SHROOM3: variants seen among roughly 807,000 people sequenced by gnomAD.
SHROOM3 encodes the protein shroom family member 3.
SHROOM3 carries 47 observed loss-of-function variants against 138.6 expected under a neutral mutation model. The ratio of observed to expected loss-of-function variants is 0.34; its 90% CI spans 0.27 to 0.43. The LOEUF (loss-of-function observed/expected upper bound fraction) is 0.43, where lower values mean the gene tolerates loss of function less well. Among genes scored for constraint, SHROOM3 ranks in the 20% least tolerant of loss-of-function variants. SHROOM3 has a pLI of 1.00. For missense variants in SHROOM3, 2,491 were observed against 2,596.5 expected (o/e 0.96, Z 0.88); for synonymous variants, 1,062 against 1,063.3 (o/e 1.00, Z 0.02).
At chr4:76,497,839 C>G (rs1164713209) in intron 1 of SHROOM3, among the ~76,000 whole-genome samples, 1 of 152,020 alleles carries the variant, frequency 6.6e-6, no homozygotes, top group African/African-American at 2.4e-5. Context: ...GCGTGGGCAA[C>G]AGAGCAAGAC....
intron 2 of SHROOM3, among the ~76,000 whole-genome samples, chr4:76,709,519 T>G (rs1409814430): frequency 6.7e-6 from 1 of 148,330 alleles, no homozygotes; most frequent in Non-Finnish European, 1.5e-5. Flanking sequence ...TCTGACTCCC[T>G]GGGAGTATGG....
intron 2 of SHROOM3, among the ~76,000 whole-genome samples, chr4:76,666,338 G>A (rs1428216590): frequency 6.6e-6 from 1 of 152,112 alleles, no homozygotes; most frequent in Non-Finnish European, 1.5e-5. Flanking sequence ...GTGTAATCAC[G>A]GCTCACTGCA....
chr4:76,715,474 A>G (rs1052028031), intron 3 of SHROOM3, among the ~76,000 whole-genome samples: 2 of 152,176 alleles, frequency 1.3e-5, no homozygotes, highest in Non-Finnish European at 2.9e-5. Flanking sequence ...TCTAAAATCT[A>G]TCAAGCCTTG....
rs558029935 is a variant in SHROOM3, at chr4:76,597,355, G to A, written c.323+41592G>A. Among the ~76,000 whole-genome samples, 25 of 152,260 alleles carry A rather than the reference G, an allele frequency of 1.6e-4. 1 individual carries two copies. The South Asian group carries it at 4.6e-3, about 28-fold the overall frequency. Reference sequence around the variant, plus strand: ...TGAAGTCATAGACAAAATCAATGTGGCTATCGGGGCAGGCCAATTGGACTC... The same window carrying A: ...TGAAGTCATAGACAAAATCAATGTGACTATCGGGGCAGGCCAATTGGACTC... On this transcript the variant is annotated intron_variant, in intron 2 of 10. Transcript: ENST00000296043.
chr4:76,740,017 AAGACAAGAGATCTTCC>A lies in SHROOM3; in HGVS notation c.1847_1862del (p.Asp616GlyfsTer27). ...CAGGCTCAGGCCTGGCAAGCGGGTGAAGACAAGAGATCTTCCAGGCTCTCAGAGCCCTGGGAGGGCG... is the reference window on the plus strand; with the variant it reads ...CAGGCTCAGGCCTGGCAAGCGGGTGAAGGCTCTCAGAGCCCTGGGAGGGCG... On this transcript the variant is annotated frameshift_variant, in exon 5 of 11. Coordinates refer to ENST00000296043, the MANE Select transcript of SHROOM3 (RefSeq NM_020859.4). LOFTEE classifies it high-confidence loss of function. The surrounding 1 kb of genome is among the most constrained non-coding windows in gnomAD (Gnocchi z 4.0). The A allele has an allele frequency of 6.2e-7, 1 of 1,613,964 alleles. No individual in the cohort carries two copies. Among genetic ancestry groups the A allele is most frequent in the African/African-American group, 1.3e-5 (1 of 75,070 alleles).
chr4:76,558,241 A>C (rs1020851754), intron 2 of SHROOM3, among the ~76,000 whole-genome samples: 2 of 152,188 alleles, frequency 1.3e-5, no homozygotes, highest in Non-Finnish European at 2.9e-5. Flanking sequence ...AACCTTTGGA[A>C]ACAGACAGAT....
chr4:76,472,155 T>G (rs559379085), intron 1 of SHROOM3, among the ~76,000 whole-genome samples: 15 of 152,160 alleles, frequency 9.9e-5, no homozygotes, highest in Non-Finnish European at 2.2e-4. Flanking sequence ...TTATGTTTCT[T>G]CTCCTACCCA....
intron 2 of SHROOM3, among the ~76,000 whole-genome samples, chr4:76,603,873 T>C (rs1734562767): frequency 6.8e-6 from 1 of 146,072 alleles, no homozygotes; most frequent in African/African-American, 2.6e-5. Flanking sequence ...GATGGAGTCT[T>C]GCACTGTCTC....
intron 1 of SHROOM3, among the ~76,000 whole-genome samples, chr4:76,532,479 C>T (rs1732852539): frequency 6.6e-6 from 1 of 152,192 alleles, no homozygotes; most frequent in South Asian, 2.1e-4. Flanking sequence ...CCCTGATCCA[C>T]AGGGGAGACA....
At chr4:76,735,859 AAAAAAAAAAATATATATAT>A (rs1486588757) in intron 4 of SHROOM3, among the ~76,000 whole-genome samples, 52 of 25,440 alleles carry the variant, frequency 2.0e-3, no homozygotes, top group Middle Eastern at 0.024. Flanking sequence ...AAAAAAAAAA[AAAAAAAAAAATATATATAT>A]ATATATATAT....
chr4:76,667,696 C>T (rs1002368338), intron 2 of SHROOM3, among the ~76,000 whole-genome samples: 3 of 151,486 alleles, frequency 2.0e-5, no homozygotes, highest in East Asian at 2.0e-4. Context: ...TGCTTGGGCG[C>T]GGTGGCTCAC....
chr4:76,676,816 G>A (rs1719040158), intron 2 of SHROOM3, among the ~76,000 whole-genome samples: 1 of 152,052 alleles, frequency 6.6e-6, no homozygotes, highest in African/African-American at 2.4e-5. Flanking sequence ...GATGGCCGGC[G>A]CCTGTAGTCC....
At chr4:76,662,820 T>C (rs970996004) in intron 2 of SHROOM3, among the ~76,000 whole-genome samples, 4 of 152,000 alleles carry the variant, frequency 2.6e-5, no homozygotes, top group Admixed American at 6.6e-5. Flanking sequence ...AGTTCGAGGC[T>C]GCAGTAGGCT....
At chr4:76,653,601 T>C (rs1736006570) in intron 2 of SHROOM3, among the ~76,000 whole-genome samples, 2 of 152,116 alleles carry the variant, frequency 1.3e-5, no homozygotes, top group East Asian at 3.8e-4. Flanking sequence ...AGTCTCACTT[T>C]GTCACTCAGG....
At chr4:76,565,160 CA>C (rs1166896258) in intron 2 of SHROOM3, among the ~76,000 whole-genome samples, 27 of 135,952 alleles carry the variant, frequency 2.0e-4, no homozygotes, top group South Asian at 2.4e-4. Flanking sequence ...GACTCCATTT[CA>C]AAAAAAAAAA....
chr4:76,450,541 A>G (rs777585671), intron 1 of SHROOM3, among the ~76,000 whole-genome samples: 4 of 152,236 alleles, frequency 2.6e-5, no homozygotes, highest in Non-Finnish European at 4.4e-5. Context: ...ATGGAATACT[A>G]TTTGGCAATA....
chr4:76,610,368 G>A (rs2110060844), intron 2 of SHROOM3, among the ~76,000 whole-genome samples: 1 of 152,298 alleles, frequency 6.6e-6, no homozygotes, highest in Non-Finnish European at 1.5e-5. Flanking sequence ...CTAAAAAGTG[G>A]CCATAGCTTC....
At chr4:76,734,091 A>G (rs1720960522) in intron 4 of SHROOM3, among the ~76,000 whole-genome samples, 1 of 152,182 alleles carries the variant, frequency 6.6e-6, no homozygotes, top group Non-Finnish European at 1.5e-5. Context: ...TTCATTCAAC[A>G]AATCTGTATG....
At chr4:76,778,528 T>C (rs1261294581) in intron 10 of SHROOM3, among the ~76,000 whole-genome samples, 1 of 152,156 alleles carries the variant, frequency 6.6e-6, no homozygotes, top group Non-Finnish European at 1.5e-5. Flanking sequence ...AGCTGATGAT[T>C]GGTTTTTAAA....
Sources: gnomAD v4.1 joint callset for allele counts (sites outside exome capture counted in the v4.1 genomes callset) on GRCh38, gnomAD v4.1.1 for gene constraint, Gnocchi (gnomAD v3.1) non-coding constraint, MANE v1.5 for transcripts, NCBI Gene and HGNC (gene_info 2026-07-23, HGNC 2026-07-21) for gene names.